Variants in INKA2 observed in about 807,000 individuals in gnomAD.
The protein encoded by INKA2 is inka box actin regulator 2, also known as PAK4-inhibitor INKA2.
A neutral mutation model predicts 9.8 loss-of-function variants in INKA2; 3 were observed. The observed-to-expected ratio is 0.31, with a 90% CI of 0.14 to 0.79. The LOEUF (loss-of-function observed/expected upper bound fraction) is 0.79. Ranked by LOEUF, INKA2 falls within the 30% of genes least tolerant of loss-of-function variation. The pLI, the probability that INKA2 is intolerant of heterozygous loss-of-function variation, is 0.62. For synonymous variants in INKA2, 147 were observed against 143.3 expected, an observed-to-expected ratio of 1.03 and a Z score of -0.18; for missense variants, 392 against 384.4, an observed-to-expected ratio of 1.02 and a Z score of -0.17.
rs1429865429 is a variant in INKA2 at position 111,728,041 on chromosome 1, A to AC, written c.58-238dup. Among the ~76,000 whole-genome samples, 44 of 135,110 alleles carry AC rather than the reference A, an allele frequency of 3.3e-4. 2 individuals are homozygous for AC. The highest frequency in any genetic ancestry group is 1.3e-3 in the African/African-American group (44 of 34,344). The allele number at this position is 135,110 out of a possible 152,430, so 88.6% of individuals were successfully genotyped here. A position where few individuals can be genotyped will look rare whatever the true frequency, so the allele number is the denominator to read the frequency against. ...CTGAGAAGGCTCCCCCACCCCATACACACACACACACACACACACACACAC... is the reference window on the plus strand; with the variant it reads ...CTGAGAAGGCTCCCCCACCCCATACACCACACACACACACACACACACACAC... On this transcript the variant is annotated intron_variant, in intron 1 of 1. Coordinates refer to ENST00000357260, the MANE Select transcript of INKA2 (RefSeq NM_019099.5).
chr1:111,754,717 TGACTAA>T (rs1663487787), intron 1 of INKA2: 2 of 152,218 alleles, frequency 1.3e-5, no homozygotes, highest in Non-Finnish European at 2.9e-5. Flanking sequence ...TTTGGCATGA[TGACTAA>T]GAGTTTGTTA....
At chr1:111,733,088 G>A (rs1662946449) in intron 1 of INKA2, among the ~76,000 whole-genome samples, 1 of 152,156 alleles carries the variant, frequency 6.6e-6, no homozygotes, top group Non-Finnish European at 1.5e-5. Flanking sequence ...CAGGGGCTGG[G>A]AGGTCCATCT....
Position 111,726,914 on chromosome 1 carries a change from C to T in INKA2, c.*54G>A. 1.3e-6 allele frequency: 2 copies of T among 1,535,934 alleles called. No individual in the cohort carries two copies. The highest frequency in any genetic ancestry group is 1.2e-5 in the South Asian group (1 of 83,122). ...GCCCACCCTCCCTCCTCCCCAGGGGCCCAGCACTGGGACCTGGCCCTTTCA... is the reference window on the plus strand; with the variant it reads ...GCCCACCCTCCCTCCTCCCCAGGGGTCCAGCACTGGGACCTGGCCCTTTCA... On this transcript the variant is annotated 3_prime_UTR_variant, in exon 2 of 2. Coordinates refer to ENST00000357260, the MANE Select transcript of INKA2 (RefSeq NM_019099.5).
At chr1:111,732,413 C>T (rs776178485) in intron 1 of INKA2, among the ~76,000 whole-genome samples, 13 of 152,074 alleles carry the variant, frequency 8.5e-5, no homozygotes, top group Non-Finnish European at 1.3e-4. Context: ...GGAGTTCCTC[C>T]GGAGCCTCTT....
rs1021928695 is a variant in INKA2, at chr1:111,739,292, C to A, written c.-50G>T. 1.2e-6 allele frequency: 2 copies of A among 1,610,292 alleles called. No individual in the cohort carries two copies. Among genetic ancestry groups the A allele is most frequent in the Admixed American group, 1.7e-5 (1 of 59,734 alleles). On this transcript the variant is annotated 5_prime_UTR_variant, in exon 1 of 2. Coordinates refer to ENST00000357260, the MANE Select transcript of INKA2 (RefSeq NM_019099.5). The stretch of plus-strand genomic sequence containing the variant: ...AAACAGAGAGGGCCCGGGTGAAACC[C>A]CGGCCCCACTGGAAACTGCGCTCCG...
At chr1:111,750,813 C>CT (rs1490182200) in intron 1 of INKA2, among the ~76,000 whole-genome samples, 6 of 152,236 alleles carry the variant, frequency 3.9e-5, no homozygotes. Flanking sequence ...CTAAATAACA[C>CT]TACCCCCCTT....
chr1:111,730,886 A>T (rs1662891215), intron 1 of INKA2, among the ~76,000 whole-genome samples: 1 of 152,088 alleles, frequency 6.6e-6, no homozygotes, highest in Non-Finnish European at 1.5e-5. Context: ...ACCACCCCAG[A>T]TCACCCTCCA....
At chr1:111,751,029 G>A (rs1229808703) in intron 1 of INKA2, among the ~76,000 whole-genome samples, 2 of 152,178 alleles carry the variant, frequency 1.3e-5, no homozygotes, top group East Asian at 3.8e-4. Flanking sequence ...TCTGCCTGGT[G>A]AGCTCTCTTT....
At chr1:111,750,969 C>T (rs1035840872) in intron 1 of INKA2, among the ~76,000 whole-genome samples, 7 of 152,266 alleles carry the variant, frequency 4.6e-5, no homozygotes, top group African/African-American at 9.6e-5. Context: ...CATGCTTCCA[C>T]GCCTCTACAC....
chr1:111,738,386 T>G (rs1399935246), intron 1 of INKA2, among the ~76,000 whole-genome samples: 1 of 151,676 alleles, frequency 6.6e-6, no homozygotes, highest in Non-Finnish European at 1.5e-5. Flanking sequence ...TCCCCCGACT[T>G]CGGTGATTTC....
intron 1 of INKA2, among the ~76,000 whole-genome samples, chr1:111,728,697 G>A (rs764278495): frequency 4.8e-4 from 73 of 151,950 alleles, no homozygotes; most frequent in Admixed American, 1.8e-3. Context: ...TTATCTTTGG[G>A]TTGTATGTAT....
chr1:111,723,617 C>T lies in INKA2; in HGVS notation c.*3351G>A, dbSNP rs941310749. On this transcript the variant is annotated 3_prime_UTR_variant, in exon 2 of 2. Coordinates refer to ENST00000357260, the MANE Select transcript of INKA2 (RefSeq NM_019099.5). ...TAGCTCATTTGCATGTCCTAATTAA[C>T]CACAAAGTGCGCCCCAGAGGAAGAA... The T allele has an allele frequency of 1.9e-5, 3 of 155,476 alleles. No individual in the cohort carries two copies. The highest frequency in any genetic ancestry group is 7.2e-5 in the African/African-American group (3 of 41,550). 9.6% of individuals were successfully genotyped at this position (155,476 alleles called of 1,614,324 possible).
intron 1 of INKA2, among the ~76,000 whole-genome samples, chr1:111,738,278 T>C (rs1322231114): frequency 6.6e-6 from 1 of 151,974 alleles, no homozygotes; most frequent in Non-Finnish European, 1.5e-5. Context: ...GGTGAAGGAA[T>C]AAGAAAGGTG....
At chr1:111,755,565 A>T (rs567756344) in intron 1 of INKA2, 140 of 984,174 alleles carry the variant, frequency 1.4e-4, no homozygotes, top group Non-Finnish European at 1.8e-4. Context: ...CACCGGGCGC[A>T]TCACAAAGAA....
chr1:111,725,422 G>T lies in INKA2; in HGVS notation c.*1546C>A, dbSNP rs1440665005. The T allele has an allele frequency of 3.9e-5, 6 of 152,226 alleles. No individual in the cohort carries two copies. The highest frequency in any genetic ancestry group is 5.9e-5 in the Non-Finnish European group (4 of 68,056). 9.4% of individuals were successfully genotyped at this position (152,226 alleles called of 1,614,324 possible). A position where few individuals can be genotyped will look rare whatever the true frequency, so the allele number is the denominator to read the frequency against. On this transcript the variant is annotated 3_prime_UTR_variant, in exon 2 of 2. Transcript: ENST00000357260. ...TGGCTTCCCAGGGCAGTCCTGGGGGGGGGCCTGGATCACTAGGTGGCCCTC... is the reference window on the plus strand; with the variant it reads ...TGGCTTCCCAGGGCAGTCCTGGGGGTGGGCCTGGATCACTAGGTGGCCCTC...
In INKA2 at chr1:111,749,453, C is replaced by T. The variant is rs555046453; in HGVS notation, n.124+6248G>A. Among the ~76,000 whole-genome samples, 7 of 151,190 alleles carry T rather than the reference C, an allele frequency of 4.6e-5. No homozygotes were observed. The East Asian group carries it at 1.2e-3, about 25-fold the overall frequency. On this transcript the variant is annotated intron_variant and non_coding_transcript_variant, in intron 1 of 1. Transcript: ENST00000444059. ...GTGTGTGTGTGTGTGTGTGCGCGCGCGCGCGTGCTAGGGAGCCAAGGCAGG... is the reference window on the plus strand; with the variant it reads ...GTGTGTGTGTGTGTGTGTGCGCGCGTGCGCGTGCTAGGGAGCCAAGGCAGG...
intron 1 of INKA2, among the ~76,000 whole-genome samples, chr1:111,733,642 C>G (rs1006395379): frequency 6.6e-6 from 1 of 152,186 alleles, no homozygotes; most frequent in East Asian, 1.9e-4. Context: ...AACCAGATCC[C>G]ACCATCCTGG....
intron 1 of INKA2, among the ~76,000 whole-genome samples, chr1:111,732,908 C>T (rs1442503550): frequency 2.0e-5 from 3 of 152,210 alleles, no homozygotes; most frequent in African/African-American, 7.2e-5. Context: ...TACTCGGCCA[C>T]ATGACACTGG....
upstream of INKA2, among the ~76,000 whole-genome samples, chr1:111,741,635 T>G (rs532807112): frequency 2.6e-5 from 4 of 152,346 alleles, no homozygotes; most frequent in African/African-American, 9.6e-5. Context: ...AGGGCCTGGC[T>G]TTGCTCCATC....
Sources: gnomAD v4.1 joint callset for allele counts (sites outside exome capture counted in the v4.1 genomes callset) on GRCh38, gnomAD v4.1.1 for gene constraint, MANE v1.5 for transcripts, NCBI Gene and HGNC (gene_info 2026-07-23, HGNC 2026-07-21) for gene names.